Variants in KATNB1 observed in about 807,000 individuals in gnomAD.
KATNB1 encodes the protein katanin p80 WD40 repeat-containing subunit B1.
In KATNB1, 38 loss-of-function variants were observed where a neutral mutation model predicts 82.3. The observed-to-expected ratio is 0.46, with a 90% CI of 0.36 to 0.61. The LOEUF is 0.61. Ranked by LOEUF, KATNB1 falls within the 20% of genes least tolerant of loss-of-function variation. The pLI is 0.00. For synonymous variants in KATNB1, 361 were observed against 368.7 expected (o/e 0.98, Z 0.24); for missense variants, 749 against 915.7 (o/e 0.82, Z 2.35).
In KATNB1 at chr16:57,756,961, A is replaced by T. The variant is rs1283001313; in HGVS notation, c.*15A>T. 1 of 1,505,718 alleles carries T rather than the reference A, an allele frequency of 6.6e-7. No homozygotes were observed. The highest frequency in any genetic ancestry group is 2.5e-5 in the East Asian group (1 of 39,844). The allele number at this position is 1,505,718 out of a possible 1,614,324, so 93.3% of individuals were successfully genotyped here. A position where few individuals can be genotyped will look rare whatever the true frequency, so the allele number is the denominator to read the frequency against. On this transcript the variant is annotated 3_prime_UTR_variant, in exon 20 of 20. Coordinates refer to ENST00000379661, the MANE Select transcript of KATNB1 (RefSeq NM_005886.3). ...GTCTGGACTGAGGAAAGCAGTGGGC[A>T]GGGGCGCTCGGCAGCCCACAGGGCC...
At chr16:57,736,857 G>A in intron 1 of KATNB1, 121 bp from the exon 2 acceptor site, 1 of 453,126 alleles carries the variant, frequency 2.2e-6, no homozygotes, top group Non-Finnish European at 4.4e-6. Context: ...TTGCAGTGCA[G>A]CTTCTGACTC....
At chr16:57,744,771 G>A (rs1398160820) in intron 4 of KATNB1, among the ~76,000 whole-genome samples, 46 of 96,524 alleles carry the variant, frequency 4.8e-4, no homozygotes, top group African/African-American at 1.7e-3. Flanking sequence ...GTGTGTCTGC[G>A]GGCACGTGTG....
At chr16:57,744,613 C>T (rs2049169413) in intron 4 of KATNB1, 102 bp downstream of exon 4, 4 of 969,186 alleles carry the variant, frequency 4.1e-6, no homozygotes, top group African/African-American at 3.2e-5. Context: ...ACTACGTTGG[C>T]TGCTTTGCTC....
rs373079701 is a variant in KATNB1 at position 57,752,075 on chromosome 16, C to T, written c.632+20C>T. ...TGACAGGTGAGGAGGAGGAGCGAGG[C>T]GAGTTGCTTGTGACTGCTGTCCTTC... On this transcript the variant is annotated intron_variant, in intron 8 of 19. Transcript: ENST00000379661. The T allele has an allele frequency of 1.0e-5, 16 of 1,529,682 alleles. No individual in the cohort carries two copies. In the African/African-American group the frequency reaches 1.4e-4, roughly 13 times the overall value. The allele number at this position is 1,529,682 out of a possible 1,614,324, so 94.8% of individuals were successfully genotyped here. A position where few individuals can be genotyped will look rare whatever the true frequency, so the allele number is the denominator to read the frequency against.
chr16:57,751,536 T>C lies in KATNB1; in HGVS notation c.433-105T>C, dbSNP rs774670186. The C allele has an allele frequency of 1.9e-5, 22 of 1,130,962 alleles. No homozygotes were observed. Among genetic ancestry groups the C allele is most frequent in the Non-Finnish European group, 2.8e-5 (21 of 753,962 alleles). The allele number at this position is 1,130,962 out of a possible 1,614,324, so 70.1% of individuals were successfully genotyped here. ...ACTGCTCCAAGCAGAACCAGGCGGG[T>C]AACCAGTGTTGTTAGATGGAAGGGG... On this transcript the variant is annotated intron_variant, in intron 6 of 19. Coordinates refer to ENST00000379661, the MANE Select transcript of KATNB1 (RefSeq NM_005886.3). The surrounding 1 kb of genome is among the most constrained non-coding windows in gnomAD (Gnocchi z 6.3).
chr16:57,740,058 T>C (rs760120381), intron 2 of KATNB1, among the ~76,000 whole-genome samples: 2 of 152,130 alleles, frequency 1.3e-5, no homozygotes, highest in Non-Finnish European at 2.9e-5. Flanking sequence ...TGCTTTGCCC[T>C]CTTTCTGGGT....
Position 57,753,108 on chromosome 16 carries a change from C to T in KATNB1, c.887C>T (p.Ser296Phe). 2 of 1,609,188 alleles carry T rather than the reference C, an allele frequency of 1.2e-6. No homozygotes were observed. Among genetic ancestry groups the T allele is most frequent in the South Asian group, 1.1e-5 (1 of 90,974 alleles). The change falls in exon 11 of 20, where the codon TCC becomes TTC. Residue 296 changes from serine to phenylalanine, a missense_variant. Transcript: ENST00000379661. ...GTGGCCTTCTCCCAGAGCAACGTCTCCTCCTACGTGGTGGATCTGACGCGT... is the reference window on the plus strand; with the variant it reads ...GTGGCCTTCTCCCAGAGCAACGTCTTCTCCTACGTGGTGGATCTGACGCGT... The part of the protein sequence containing the change: ...IGVAFSQSNV[S>F]SYVVDLTRVT...
At chr16:57,742,367 A>G (rs2049149956) in intron 3 of KATNB1, among the ~76,000 whole-genome samples, 1 of 152,280 alleles carries the variant, frequency 6.6e-6, no homozygotes. Context: ...ATAGGAGTGC[A>G]TAAAGGAGAA....
chr16:57,757,116 C>G lies in KATNB1; in HGVS notation c.*170C>G. On this transcript the variant is annotated 3_prime_UTR_variant, in exon 20 of 20. Transcript: ENST00000379661. The stretch of plus-strand genomic sequence containing the variant: ...CCCTGGCCACCTCTACAGCCCTGAA[C>G]TCTTGAGACAACTCTCTCCAGCAAT... 1.6e-6 allele frequency: 1 copy of G among 618,746 alleles called. No individual in the cohort carries two copies. The highest frequency in any genetic ancestry group is 2.4e-6 in the Non-Finnish European group (1 of 414,592). The allele number at this position is 618,746 out of a possible 1,614,324, so 38.3% of individuals were successfully genotyped here. A position where few individuals can be genotyped will look rare whatever the true frequency, so the allele number is the denominator to read the frequency against.
chr16:57,745,230 G>A lies in KATNB1; in HGVS notation c.289+719G>A, dbSNP rs559592132. Among the ~76,000 whole-genome samples the A allele has an allele frequency of 1.8e-4, 28 of 152,258 alleles. No homozygotes were observed. The East Asian group carries it at 3.9e-3, about 21-fold the overall frequency. On this transcript the variant is annotated intron_variant, in intron 4 of 19. Coordinates refer to ENST00000379661, the MANE Select transcript of KATNB1 (RefSeq NM_005886.3). ...TTTCTTTTCTTATTTAAAAAACACC[G>A]TGGCCAGGCGCAGTGGCTCACGCCT...
At chr16:57,756,674 C>A in intron 19 of KATNB1, 140 bp from the exon 20 acceptor site, 1 of 1,372,310 alleles carries the variant, frequency 7.3e-7, no homozygotes, top group Non-Finnish European at 9.7e-7. Flanking sequence ...CAATCCCTGG[C>A]AGGGCCTGGG....
intron 3 of KATNB1, among the ~76,000 whole-genome samples, chr16:57,742,765 C>G (rs1555580114): frequency 1.3e-5 from 2 of 152,304 alleles, no homozygotes; most frequent in African/African-American, 4.8e-5. Flanking sequence ...GCTAAAGCAC[C>G]CTGTGGTGAA....
chr16:57,753,282 G>T lies in KATNB1; in HGVS notation c.1046+15G>T, dbSNP rs782011857. 3.2e-6 allele frequency: 5 copies of T among 1,584,256 alleles called. No homozygotes were observed. Among genetic ancestry groups the T allele is most frequent in the East Asian group, 4.6e-5 (2 of 43,858 alleles). On this transcript the variant is annotated intron_variant, in intron 11 of 19. Transcript: ENST00000379661. Reference sequence around the variant, plus strand: ...AAGCCTCAGAGGTGAGGGCCTGGGGGGCCTTCGGGGGCCCAGGAGAGGGAC... The same window carrying T: ...AAGCCTCAGAGGTGAGGGCCTGGGGTGCCTTCGGGGGCCCAGGAGAGGGAC...
intron 12 of KATNB1, 59 bp downstream of exon 12, chr16:57,753,578 G>T: frequency 4.4e-6 from 7 of 1,596,900 alleles, no homozygotes; most frequent in Non-Finnish European, 6.0e-6. Flanking sequence ...GAGGCTGGGG[G>T]TCCTTCCAGG....
chr16:57,741,946 C>A, intron 3 of KATNB1, 129 bp downstream of exon 3: 1 of 1,142,328 alleles, frequency 8.8e-7, no homozygotes. Flanking sequence ...CCGCTGGGGC[C>A]CAGCTCAGGG....
In KATNB1 at chr16:57,756,345, TC is replaced by T; in HGVS notation, c.1719-6del. ...TGGTCCATCTGTGACTTCATCCATC[TC>T]CCCCTAAAGCTACGTCCAGACGGGC... is the stretch of plus-strand genomic sequence containing the variant. On this transcript the variant is annotated splice_polypyrimidine_tract_variant and intron_variant, in intron 18 of 19. Transcript: ENST00000379661. The T allele has an allele frequency of 6.2e-7, 1 of 1,607,976 alleles. No individual in the cohort carries two copies.
At position 57,754,947 on chromosome 16, in the gene KATNB1, G is replaced by T. The variant is rs146799975; in HGVS notation, c.1246G>T (p.Glu416Ter). Reference sequence around the variant, plus strand: ...GCCTCCAGACGCAGCCACAGCAAAGGAGGCAGCAAAGCCCAGCCCTGCCAT... The same window carrying T: ...GCCTCCAGACGCAGCCACAGCAAAGTAGGCAGCAAAGCCCAGCCCTGCCAT... ...PPEDDAATAKEAAKPSPAMDV... is the reference protein window; with the variant it reads ...PPEDDAATAK Residue 416 changes from glutamate to a stop codon, truncating the protein, a stop_gained, in exon 14 of 20, where the codon GAG becomes TAG. Transcript: ENST00000379661. LOFTEE classifies it high-confidence loss of function. 2 of 1,614,090 alleles carry T rather than the reference G, an allele frequency of 1.2e-6. No homozygotes were observed. Among genetic ancestry groups the T allele is most frequent in the Non-Finnish European group, 1.7e-6 (2 of 1,180,034 alleles).
In KATNB1 at chr16:57,751,342, C is replaced by G. The variant is rs548002543; in HGVS notation, c.432+40C>G. The G allele has an allele frequency of 6.3e-7, 1 of 1,594,512 alleles. No individual in the cohort carries two copies. The highest frequency in any genetic ancestry group is 8.6e-7 in the Non-Finnish European group (1 of 1,162,506). On this transcript the variant is annotated intron_variant, in intron 6 of 19. Transcript: ENST00000379661. This position sits in a 1 kb window ranked among gnomAD's most constrained non-coding sequence, Gnocchi z 6.3. Reference sequence around the variant, plus strand: ...TGTCGGTGACTCCATGAGCACCTTGCGGGCATTGAGTGTGGTGTGGTGCCC... The same window carrying G: ...TGTCGGTGACTCCATGAGCACCTTGGGGGCATTGAGTGTGGTGTGGTGCCC...
rs1555580724 is a variant in KATNB1 at position 57,744,461 on chromosome 16, C to T, written c.239C>T (p.Ala80Val). Reference sequence around the variant, plus strand: ...AACACCCCCGAGGAGCTCATCGTGGCCGGCTCTCAGTCGGGCTCCATCCGT... The same window carrying T: ...AACACCCCCGAGGAGCTCATCGTGGTCGGCTCTCAGTCGGGCTCCATCCGT... ...RLNTPEELIV[A>V]GSQSGSIRVW... Residue 80 changes from alanine (A) to valine (V), a missense_variant, in exon 4 of 20, where the codon GCC becomes GTC. By Grantham distance (64) the Ala-to-Val change is moderately conservative. Coordinates refer to ENST00000379661, the MANE Select transcript of KATNB1 (RefSeq NM_005886.3). 3.1e-6 allele frequency: 5 copies of T among 1,614,066 alleles called. No individual in the cohort carries two copies. Among genetic ancestry groups the T allele is most frequent in the Admixed American group, 3.3e-5 (2 of 60,036 alleles).
Sources: gnomAD v4.1 joint callset for allele counts (sites outside exome capture counted in the v4.1 genomes callset) on GRCh38, gnomAD v4.1.1 for gene constraint, Gnocchi (gnomAD v3.1) non-coding constraint, MANE v1.5 for transcripts, NCBI Gene and HGNC (gene_info 2026-07-23, HGNC 2026-07-21) for gene names.